Variants in CEP43 observed in about 807,000 individuals in gnomAD.
CEP43 encodes the protein FGFR1 oncogene partner.
In CEP43, 36 loss-of-function variants were observed where a neutral mutation model predicts 52.6. The observed-to-expected ratio is 0.68, with a 90% CI of 0.52 to 0.90. The LOEUF (loss-of-function observed/expected upper bound fraction) is 0.90, where lower values mean the gene tolerates loss of function less well. Among genes scored for constraint, CEP43 ranks in the 40% least tolerant of loss-of-function variants. The pLI is 0.00. For synonymous variants in CEP43, 192 were observed against 172.4 expected, an observed-to-expected ratio of 1.11 and a Z score of -0.89; for missense variants, 506 against 472.8, an observed-to-expected ratio of 1.07 and a Z score of -0.65.
intron 10 of CEP43, chr6:167,028,408 T>A: frequency 1.0e-6 from 1 of 985,424 alleles, no homozygotes; most frequent in South Asian, 4.7e-5. Context: ...ATTGGGGTAG[T>A]TATGCAGGTG....
intron 9 of CEP43, among the ~76,000 whole-genome samples, chr6:167,026,060 G>A (rs75200544): frequency 0.02 from 3,087 of 152,292 alleles, 53 homozygotes; most frequent in East Asian, 0.092. Flanking sequence ...AAGTAGTATT[G>A]TTTATGGTTT....
chr6:166,999,644 G>A (rs1440739724), intron 1 of CEP43, 130 bp downstream of exon 1: 3 of 567,364 alleles, frequency 5.3e-6, no homozygotes, highest in Non-Finnish European at 8.4e-6. Context: ...CTGGGGGCGC[G>A]CCCCGGCATG....
rs561144529 is a variant in CEP43 at position 167,050,287 on chromosome 6, T to C, written c.*10309T>C. ...TTGCCTTCTGCCATGAGTGTAAGTT[T>C]CATGAGGCCTCCCCAGCCATGCTGA... On this transcript the variant is annotated 3_prime_UTR_variant, in exon 13 of 13. Coordinates refer to ENST00000366847, the MANE Select transcript of CEP43 (RefSeq NM_007045.4). 1 of 152,446 alleles carries C rather than the reference T, an allele frequency of 6.6e-6. No homozygotes were observed. Among genetic ancestry groups the C allele is most frequent in the South Asian group, 2.1e-4 (1 of 4,830 alleles). The allele number at this position is 152,446 out of a possible 1,614,324, so 9.4% of individuals were successfully genotyped here. A position where few individuals can be genotyped will look rare whatever the true frequency, so the allele number is the denominator to read the frequency against.
At position 167,049,969 on chromosome 6, in the gene CEP43, C is replaced by T. The variant is rs1209996888; in HGVS notation, c.*9991C>T. 1.3e-5 allele frequency: 2 copies of T among 152,172 alleles called. No homozygotes were observed. The highest frequency in any genetic ancestry group is 2.9e-5 in the Non-Finnish European group (2 of 68,042). The allele number at this position is 152,172 out of a possible 1,614,324, so 9.4% of individuals were successfully genotyped here. A position where few individuals can be genotyped will look rare whatever the true frequency, so the allele number is the denominator to read the frequency against. On this transcript the variant is annotated 3_prime_UTR_variant, in exon 13 of 13. Transcript: ENST00000366847. The stretch of plus-strand genomic sequence containing the variant: ...GCATTTGGAGCATGTCTTATGTGCA[C>T]TTAAAAATATTAATATCTATTCTGC...
chr6:167,012,232 G>T (rs1780002633), intron 6 of CEP43, among the ~76,000 whole-genome samples: 1 of 152,016 alleles, frequency 6.6e-6, no homozygotes, highest in Non-Finnish European at 1.5e-5. Flanking sequence ...TGATGTTGTT[G>T]CTCCTTTTTA....
chr6:167,017,166 T>C (rs1386349606), intron 7 of CEP43, among the ~76,000 whole-genome samples: 1 of 151,872 alleles, frequency 6.6e-6, no homozygotes, highest in Non-Finnish European at 1.5e-5. Flanking sequence ...CGGCTAATTT[T>C]TTGTATTTTT....
rs1198946258 is a variant in CEP43 at position 167,039,566 on chromosome 6, G to A, written c.1126-338G>A. 3.3e-5 allele frequency among the ~76,000 whole-genome samples: 5 copies of A among 152,194 alleles called. 1 individual carries two copies. Among genetic ancestry groups the A allele is most frequent in the South Asian group, 4.1e-4 (2 of 4,830 alleles). ...CGGAATTGTGCTGCTGTAAACATGC[G>A]TGTGCAAGTATCTTTTTCATATAAT... is the stretch of plus-strand genomic sequence containing the variant. On this transcript the variant is annotated intron_variant, in intron 12 of 12. Transcript: ENST00000366847.
intron 5 of CEP43, among the ~76,000 whole-genome samples, 183 bp from the exon 6 acceptor site, chr6:167,010,630 A>T (rs1330025771): frequency 1.3e-5 from 2 of 152,204 alleles, no homozygotes; most frequent in East Asian, 1.9e-4. Flanking sequence ...GAATCTAGGG[A>T]TGTGTAGAAG....
intron 5 of CEP43, among the ~76,000 whole-genome samples, chr6:167,005,176 C>G (rs1779824829): frequency 6.6e-6 from 1 of 152,068 alleles, no homozygotes. Flanking sequence ...TGGTGAGTCT[C>G]AGAGGATGTT....
chr6:167,038,637 C>T (rs369419434), intron 12 of CEP43, among the ~76,000 whole-genome samples: 2 of 152,096 alleles, frequency 1.3e-5, no homozygotes, highest in African/African-American at 2.4e-5. Context: ...TAAATTTTCA[C>T]TTGAAATATT....
At chr6:167,003,282 C>A (rs1375415717) in intron 3 of CEP43, 35 bp downstream of exon 3, 5 of 1,260,824 alleles carry the variant, frequency 4.0e-6, no homozygotes, top group African/African-American at 1.6e-5. Context: ...TTATCTATCT[C>A]TGAATTTTTG....
chr6:167,028,236 C>T (rs73028293), intron 10 of CEP43: 15,686 of 985,350 alleles, frequency 0.016, 178 homozygotes, highest in East Asian at 0.09. Flanking sequence ...CTTACCAAAG[C>T]GAGGGTTTTC....
At position 167,044,419 on chromosome 6, in the gene CEP43, T is replaced by G; in HGVS notation, c.*4441T>G. 1 of 985,360 alleles carries G rather than the reference T, an allele frequency of 1.0e-6. No homozygotes were observed. The allele number at this position is 985,360 out of a possible 1,614,324, so 61.0% of individuals were successfully genotyped here. A position where few individuals can be genotyped will look rare whatever the true frequency, so the allele number is the denominator to read the frequency against. On this transcript the variant is annotated 3_prime_UTR_variant, in exon 13 of 13. Coordinates refer to ENST00000366847, the MANE Select transcript of CEP43 (RefSeq NM_007045.4). ...TTTATGTTTAGCAAGAAGACCAAGA[T>G]GACAAGATGCGCCAGGAGACTTGGC... is the stretch of plus-strand genomic sequence containing the variant.
intron 7 of CEP43, among the ~76,000 whole-genome samples, chr6:167,021,466 A>G (rs1240827720): frequency 6.6e-6 from 1 of 152,172 alleles, no homozygotes; most frequent in Non-Finnish European, 1.5e-5. Context: ...AAGCATTTGA[A>G]TGTTCTCCAT....
chr6:167,000,843 C>T (rs1267178676), intron 2 of CEP43, among the ~76,000 whole-genome samples: 1 of 152,224 alleles, frequency 6.6e-6, no homozygotes, highest in East Asian at 1.9e-4. Context: ...CTTGCCTTAA[C>T]GGTCATACGT....
Position 167,003,239 on chromosome 6 carries a change from C to A in CEP43, c.203C>A (p.Thr68Asn). ...VNESLKKFLN[T>N]KDGRLVASLV... The stretch of plus-strand genomic sequence containing the variant: ...GAGAGCCTGAAAAAGTTTTTAAATA[C>A]CAAAGACGGTAAGATGTTCAGTTTG... Residue 68 changes from threonine (T) to asparagine (N), a missense_variant, in exon 3 of 13, where the codon ACC (threonine) becomes AAC (asparagine). Physicochemically the swap from Thr to Asn is moderately conservative, Grantham distance 65. Coordinates refer to ENST00000366847, the MANE Select transcript of CEP43 (RefSeq NM_007045.4). The A allele has an allele frequency of 2.0e-6, 3 of 1,485,534 alleles. No homozygotes were observed. Among genetic ancestry groups the A allele is most frequent in the South Asian group, 1.3e-5 (1 of 77,852 alleles). 92.0% of individuals were successfully genotyped at this position (1,485,534 alleles called of 1,614,324 possible).
intron 10 of CEP43, among the ~76,000 whole-genome samples, chr6:167,030,216 C>T (rs567895093): frequency 2.0e-5 from 3 of 152,300 alleles, no homozygotes; most frequent in African/African-American, 7.2e-5. Context: ...TTCTTTAAAT[C>T]CACATTGCAG....
chr6:167,051,291 C>G lies in CEP43; in HGVS notation c.*11313C>G, dbSNP rs1780866963. On this transcript the variant is annotated 3_prime_UTR_variant, in exon 13 of 13. Coordinates refer to ENST00000366847, the MANE Select transcript of CEP43 (RefSeq NM_007045.4). ...CACCTATATCTTAGTAGAATTCAGG[C>G]CCCTCACTTCCTCCTAACCTGGTAG... 1 of 152,164 alleles carries G rather than the reference C, an allele frequency of 6.6e-6. No individual in the cohort carries two copies. Among genetic ancestry groups the G allele is most frequent in the Non-Finnish European group, 1.5e-5 (1 of 68,032 alleles). 9.4% of individuals were successfully genotyped at this position (152,164 alleles called of 1,614,324 possible). A position where few individuals can be genotyped will look rare whatever the true frequency, so the allele number is the denominator to read the frequency against.
intron 4 of CEP43, 47 bp from the exon 5 acceptor site, chr6:167,004,217 A>G: frequency 1.3e-6 from 2 of 1,564,056 alleles, no homozygotes; most frequent in Non-Finnish European, 1.7e-6. Context: ...CCTTGAGAAT[A>G]ACTTCTGCTA....
Sources: allele counts gnomAD v4.1 joint callset (sites outside exome capture counted in the v4.1 genomes callset), GRCh38; gene constraint gnomAD v4.1.1; transcripts MANE v1.5; gene names NCBI Gene and HGNC (gene_info 2026-07-23, HGNC 2026-07-21).